Variants in KBTBD3 observed in about 807,000 individuals in gnomAD.
The protein encoded by KBTBD3 is kelch repeat and BTB domain-containing protein 3.
A neutral mutation model predicts 49.6 loss-of-function variants in KBTBD3; 38 were observed. That is an observed-to-expected ratio of 0.77 (90% CI 0.59 to 1.00). The LOEUF (loss-of-function observed/expected upper bound fraction) is 1.00, where lower values mean the gene tolerates loss of function less well. Ranked by LOEUF, KBTBD3 falls within the 50% of genes least tolerant of loss-of-function variation. The pLI, the probability that KBTBD3 is intolerant of heterozygous loss-of-function variation, is 0.00. For synonymous variants in KBTBD3, 214 were observed against 250.4 expected, an observed-to-expected ratio of 0.85 and a Z score of 1.37; for missense variants, 661 against 712.0, an observed-to-expected ratio of 0.93 and a Z score of 0.81.
At chr11:106,076,179 A>G (rs753083424) in intron 2 of KBTBD3, 7 of 152,232 alleles carry the variant, frequency 4.6e-5, no homozygotes, top group African/African-American at 9.6e-5. Flanking sequence ...GTATCTTTAC[A>G]CTGTCTCTTA....
intron 3 of KBTBD3, among the ~76,000 whole-genome samples, chr11:106,058,469 G>T (rs1346198905): frequency 2.0e-5 from 3 of 151,702 alleles, no homozygotes; most frequent in African/African-American, 2.4e-5. Flanking sequence ...CCATTGCCCA[G>T]GCTGGAGTGC....
At chr11:106,074,650 G>A (rs4237618) in intron 2 of KBTBD3, among the ~76,000 whole-genome samples, 2 of 152,070 alleles carry the variant, frequency 1.3e-5, no homozygotes, top group African/African-American at 4.8e-5. Flanking sequence ...TTGTGCTTAT[G>A]GCATAGAAGA....
chr11:106,062,934 C>T (rs1246087361), intron 2 of KBTBD3, among the ~76,000 whole-genome samples: 2 of 152,210 alleles, frequency 1.3e-5, no homozygotes, highest in Non-Finnish European at 2.9e-5. Context: ...CACAAGGCAT[C>T]TTCATAAGTC....
At chr11:106,068,468 A>G (rs537159682) in intron 2 of KBTBD3, among the ~76,000 whole-genome samples, 2 of 152,336 alleles carry the variant, frequency 1.3e-5, no homozygotes, top group East Asian at 1.9e-4. Context: ...AATACAATAT[A>G]TCAAAATGTG....
chr11:106,055,438 T>C (rs1446986671), intron 3 of KBTBD3, among the ~76,000 whole-genome samples: 2 of 152,192 alleles, frequency 1.3e-5, no homozygotes, highest in Admixed American at 1.3e-4. Context: ...TAATGAAATC[T>C]ATTTAAAAAG....
In KBTBD3 at chr11:106,054,101, T is replaced by A. The variant is rs1274899545; in HGVS notation, c.588A>T (p.Gly196=). ...KSSDFLEMNF[G]VLQKCLESDE... ...CTGATTCCAGACATTTCTGTAGTACTCCAAAATTCATCTCTAAGAAATCAC... is the reference window on the plus strand; with the variant it reads ...CTGATTCCAGACATTTCTGTAGTACACCAAAATTCATCTCTAAGAAATCAC... The change falls in exon 4 of 4, where the codon GGA becomes GGT. Residue 196 remains glycine, a synonymous_variant. Transcript: ENST00000531837. The A allele has an allele frequency of 6.2e-7, 1 of 1,613,264 alleles. No homozygotes were observed. The highest frequency in any genetic ancestry group is 8.5e-7 in the Non-Finnish European group (1 of 1,179,716).
At chr11:106,066,592 C>CA (rs1233688035) in intron 2 of KBTBD3, among the ~76,000 whole-genome samples, 1 of 151,934 alleles carries the variant, frequency 6.6e-6, no homozygotes, top group African/African-American at 2.4e-5. Flanking sequence ...ATGTACTTGT[C>CA]AAAAGTTACC....
In KBTBD3 at chr11:106,053,871, T is replaced by C; in HGVS notation, c.818A>G (p.Asp273Gly). Residue 273 changes from aspartate to glycine, a missense_variant, in exon 4 of 4, where the codon GAT becomes GGT. Coordinates refer to ENST00000531837, the MANE Select transcript of KBTBD3 (RefSeq NM_198439.3). ...AGAACCTTGCACACACTTAATTGCA[T>C]CCATGATTATGTCAAAACAGTTTGT... ...KSTNCFDIIM[D>G]AIKCVQGSGG... is the part of the protein sequence containing the mutation. 6.2e-7 allele frequency: 1 copy of C among 1,614,036 alleles called. No homozygotes were observed. Among genetic ancestry groups the C allele is most frequent in the Non-Finnish European group, 8.5e-7 (1 of 1,179,932 alleles).
At chr11:106,059,219 A>T in intron 2 of KBTBD3, 110 bp from the exon 3 acceptor site, 1 of 593,034 alleles carries the variant, frequency 1.7e-6, no homozygotes, top group Non-Finnish European at 2.9e-6. Context: ...AAGAAAAATA[A>T]TAAGACAGTA....
intron 2 of KBTBD3, among the ~76,000 whole-genome samples, chr11:106,070,429 G>A (rs545645181): frequency 7.7e-4 from 117 of 151,962 alleles, no homozygotes; most frequent in African/African-American, 2.2e-3. Context: ...TAAAAAATGC[G>A]CAAAAGGCAC....
chr11:106,071,366 C>T (rs1435507650), intron 2 of KBTBD3, among the ~76,000 whole-genome samples: 1 of 152,082 alleles, frequency 6.6e-6, no homozygotes, highest in African/African-American at 2.4e-5. Flanking sequence ...ATTAACTTTA[C>T]TGTCATGAAA....
chr11:106,062,053 G>A (rs979707425), intron 2 of KBTBD3, among the ~76,000 whole-genome samples: 3 of 152,080 alleles, frequency 2.0e-5, no homozygotes, highest in Admixed American at 2.0e-4. Context: ...GTGTGTGGCT[G>A]TGGAGGTGTG....
rs536638029 is a variant in KBTBD3 at position 106,067,922 on chromosome 11, G to T, written c.-13+8585C>A. On this transcript the variant is annotated intron_variant, in intron 2 of 3. Transcript: ENST00000531837. ...TATAATAAGTAGGTTGAAAGTAAAA[G>T]GATAGGAAAAGATATACTATGCAAG... Among the ~76,000 whole-genome samples, 181 of 151,872 alleles carry T rather than the reference G, an allele frequency of 1.2e-3. 6 individuals carry two copies. The South Asian group carries it at 0.035, about 29-fold the overall frequency.
chr11:106,052,710 G>A lies in KBTBD3; in HGVS notation c.*140C>T. 1.6e-6 allele frequency: 1 copy of A among 607,224 alleles called. No homozygotes were observed. Among genetic ancestry groups the A allele is most frequent in the Non-Finnish European group, 2.7e-6 (1 of 367,926 alleles). The allele number at this position is 607,224 out of a possible 1,614,324, so 37.6% of individuals were successfully genotyped here. A position where few individuals can be genotyped will look rare whatever the true frequency, so the allele number is the denominator to read the frequency against. ...TTTGTATTTTAAGTTTTTGGAAACT[G>A]TTTATTCATATATGGTGTACATACA... is the stretch of plus-strand genomic sequence containing the variant. On this transcript the variant is annotated 3_prime_UTR_variant, in exon 4 of 4. Coordinates refer to ENST00000531837, the MANE Select transcript of KBTBD3 (RefSeq NM_198439.3).
chr11:106,053,490 A>G lies in KBTBD3; in HGVS notation c.1199T>C (p.Met400Thr), dbSNP rs199911757. ...KTPRTMHTSV[M>T]ALDRLFVIGG... ...TATGACAAATAATCTATCGAGAGCCATAACTGATGTATGCATGGTTCTTGG... is the reference window on the plus strand; with the variant it reads ...TATGACAAATAATCTATCGAGAGCCGTAACTGATGTATGCATGGTTCTTGG... The change falls in exon 4 of 4, where the codon ATG becomes ACG. Residue 400 changes from methionine (M) to threonine (T), a missense_variant. By Grantham distance (81) the Met-to-Thr change is moderately conservative (BLOSUM62 -1). Transcript: ENST00000531837. The G allele has an allele frequency of 7.4e-6, 12 of 1,613,840 alleles. No homozygotes were observed. Among genetic ancestry groups the G allele is most frequent in the African/African-American group, 6.7e-5 (5 of 75,034 alleles).
At position 106,054,452 on chromosome 11, in the gene KBTBD3, A is replaced by T. The variant is rs1860513427; in HGVS notation, c.237T>A (p.Ala79=). 6.6e-7 allele frequency: 1 copy of T among 1,512,672 alleles called. No individual in the cohort carries two copies. The highest frequency in any genetic ancestry group is 1.4e-5 in the South Asian group (1 of 73,184). The allele number at this position is 1,512,672 out of a possible 1,614,324, so 93.7% of individuals were successfully genotyped here. Residue 79 remains alanine (A), a synonymous_variant, in exon 4 of 4, where the codon GCT becomes GCA. Transcript: ENST00000531837. ...VLAACSDFFR[A]MFEVNMKERD... ...TTTCTTTCATGTTTACTTCAAACATAGCCCTGCAAAAATAAAGAACACAGA... is the reference window on the plus strand; with the variant it reads ...TTTCTTTCATGTTTACTTCAAACATTGCCCTGCAAAAATAAAGAACACAGA...
chr11:106,060,687 A>C (rs993739578), intron 2 of KBTBD3, among the ~76,000 whole-genome samples: 4 of 152,194 alleles, frequency 2.6e-5, no homozygotes, highest in African/African-American at 9.7e-5. Flanking sequence ...ACCATAAGAG[A>C]CCTGGAAGAA....
chr11:106,065,798 TAAAAATAC>T (rs1026592130), intron 2 of KBTBD3, among the ~76,000 whole-genome samples: 2 of 151,896 alleles, frequency 1.3e-5, no homozygotes, highest in Non-Finnish European at 2.9e-5. Flanking sequence ...CCGTCTCTAC[TAAAAATAC>T]AAAAATTAGC....
intron 2 of KBTBD3, among the ~76,000 whole-genome samples, chr11:106,067,343 C>T (rs936231277): frequency 3.3e-5 from 5 of 152,144 alleles, no homozygotes; most frequent in Admixed American, 1.3e-4. Context: ...GTGGCTCACA[C>T]GTGTAATCCC....
Sources: gnomAD v4.1 joint callset for allele counts (sites outside exome capture counted in the v4.1 genomes callset) on GRCh38, gnomAD v4.1.1 for gene constraint, MANE v1.5 for transcripts, NCBI Gene and HGNC (gene_info 2026-07-23, HGNC 2026-07-21) for gene names.